The following EYA1 variants were observed in gnomAD, a reference collection of about 807,000 sequenced individuals.
The protein encoded by EYA1 is EYA transcriptional coactivator and phosphatase 1.
EYA1 carries 16 observed loss-of-function variants against 82.0 expected under a neutral mutation model. That is an observed-to-expected ratio of 0.20 (90% CI 0.13 to 0.30). The LOEUF (loss-of-function observed/expected upper bound fraction) is 0.30. EYA1 is among the 10% of genes least tolerant of loss of function. The probability of loss-of-function intolerance (pLI) is 1.00; values close to 1 mark genes in which losing one functional copy is unlikely to be tolerated. For missense variants in EYA1, 633 were observed against 730.7 expected (o/e 0.87, Z 1.54); for synonymous variants, 261 against 264.4 (o/e 0.99, Z 0.12).
chr8:71,528,897 C>G (rs955822487), intron 2 of EYA1, among the ~76,000 whole-genome samples: 2 of 152,198 alleles, frequency 1.3e-5, no homozygotes, highest in African/African-American at 4.8e-5. Context: ...AGCTAAGGCT[C>G]AAGCAGATGT....
intron 2 of EYA1, among the ~76,000 whole-genome samples, chr8:71,481,314 A>C (rs981863677): frequency 6.6e-6 from 1 of 152,232 alleles, no homozygotes; most frequent in African/African-American, 2.4e-5. Context: ...TATTTATAAA[A>C]ATAGCAAGCA....
At chr8:71,461,341 C>T (rs1667949338) in intron 2 of EYA1, among the ~76,000 whole-genome samples, 3 of 152,158 alleles carry the variant, frequency 2.0e-5, no homozygotes. Flanking sequence ...CACAGTCAAA[C>T]ATGCCAGCTG....
intron 2 of EYA1, among the ~76,000 whole-genome samples, chr8:71,375,596 G>T (rs950344023): frequency 6.6e-6 from 1 of 152,166 alleles, no homozygotes; most frequent in African/African-American, 2.4e-5. Context: ...GGGAAAGCAA[G>T]ATGAGAGGAA....
intron 2 of EYA1, among the ~76,000 whole-genome samples, chr8:71,502,681 T>C (rs1467713669): frequency 6.6e-6 from 1 of 152,222 alleles, no homozygotes; most frequent in Non-Finnish European, 1.5e-5. Context: ...TTTGAACTTA[T>C]CACGCTACAG....
At chr8:71,318,901 A>G (rs1013431575) in intron 6 of EYA1, among the ~76,000 whole-genome samples, 1 of 152,102 alleles carries the variant, frequency 6.6e-6, no homozygotes, top group African/African-American at 2.4e-5. Flanking sequence ...CAACCTTAAC[A>G]TTTTAAAAAT....
At chr8:71,210,450 TAA>T (rs1305762366) in intron 17 of EYA1, among the ~76,000 whole-genome samples, 1 of 152,126 alleles carries the variant, frequency 6.6e-6, no homozygotes, top group Non-Finnish European at 1.5e-5. Context: ...AGGCAGGCTG[TAA>T]CCAGACTGTG....
intron 2 of EYA1, among the ~76,000 whole-genome samples, chr8:71,394,849 G>A (rs928763520): frequency 2.0e-5 from 3 of 152,126 alleles, no homozygotes; most frequent in Admixed American, 1.3e-4. Flanking sequence ...GTAGCTTGAT[G>A]GGGATGGCAT....
At chr8:71,499,846 A>C (rs1214539373) in intron 2 of EYA1, among the ~76,000 whole-genome samples, 1 of 152,242 alleles carries the variant, frequency 6.6e-6, no homozygotes, top group Non-Finnish European at 1.5e-5. Context: ...TGGATGGATC[A>C]TTCTGGCTGC....
chr8:71,315,285 G>A (rs1821791879), intron 7 of EYA1, among the ~76,000 whole-genome samples: 1 of 152,208 alleles, frequency 6.6e-6, no homozygotes, highest in Non-Finnish European at 1.5e-5. Flanking sequence ...ATTATTGACT[G>A]ACTATGAAAG....
At chr8:71,319,287 C>T (rs543030548) in intron 6 of EYA1, among the ~76,000 whole-genome samples, 3 of 152,066 alleles carry the variant, frequency 2.0e-5, no homozygotes, top group African/African-American at 4.8e-5. Flanking sequence ...CCCGCCACCA[C>T]GCCTGGCTAA....
chr8:71,535,321 C>G (rs1814629746), intron 2 of EYA1, among the ~76,000 whole-genome samples: 1 of 152,096 alleles, frequency 6.6e-6, no homozygotes, highest in African/African-American at 2.4e-5. Flanking sequence ...AACTTCTTCA[C>G]TAAAAACCTA....
At chr8:71,486,344 C>G (rs1281549299) in intron 2 of EYA1, among the ~76,000 whole-genome samples, 1 of 152,178 alleles carries the variant, frequency 6.6e-6, no homozygotes, top group South Asian at 2.1e-4. Context: ...ATCGACTCTA[C>G]TGGAAAGAGA....
chr8:71,208,541 C>T (rs1420234328), intron 17 of EYA1, among the ~76,000 whole-genome samples: 2 of 152,038 alleles, frequency 1.3e-5, no homozygotes, highest in Admixed American at 6.6e-5. Context: ...TTTTCATGTC[C>T]GCTCTACCAA....
intron 12 of EYA1, among the ~76,000 whole-genome samples, chr8:71,223,432 ATAAAT>A (rs1424513226): frequency 6.6e-6 from 1 of 152,182 alleles, no homozygotes; most frequent in Non-Finnish European, 1.5e-5. Flanking sequence ...GAGGAGTAAA[ATAAAT>A]AAAGTTAGCT....
chr8:71,299,258 T>C (rs1448197805), intron 8 of EYA1, 25 bp from the exon 9 acceptor site: 5 of 1,610,780 alleles, frequency 3.1e-6, no homozygotes, highest in African/African-American at 2.7e-5. Flanking sequence ...CACACAAGAA[T>C]TGTCTGTCAA....
intron 2 of EYA1, chr8:71,470,995 C>T: frequency 2.4e-6 from 1 of 416,706 alleles, no homozygotes; most frequent in South Asian, 1.7e-5. Context: ...GTTTATTTTC[C>T]CACATCTTTA....
intron 2 of EYA1, among the ~76,000 whole-genome samples, chr8:71,452,615 A>C (rs765426423): frequency 1.5e-4 from 23 of 152,182 alleles, no homozygotes; most frequent in Admixed American, 5.2e-4. Context: ...GTTCAGCAAT[A>C]TTCGCTGTTC....
rs1031646155 is a variant in EYA1 at position 71,537,311 on chromosome 8, T to C, written c.-72-1463A>G. The stretch of plus-strand genomic sequence containing the variant: ...AATAAAAATCATATGAATGTATTCA[T>C]GCTATGTCACACCAAGAAAATATAA... On this transcript the variant is annotated intron_variant, in intron 1 of 18. Transcript: ENST00000643681. Among the ~76,000 whole-genome samples the C allele has an allele frequency of 3.3e-5, 5 of 152,228 alleles. No individual in the cohort carries two copies. In the East Asian group the frequency reaches 9.6e-4, roughly 29 times the overall value.
At chr8:71,366,905 T>C (rs1393910865), upstream of EYA1, among the ~76,000 whole-genome samples, 1 of 152,134 alleles carries the variant, frequency 6.6e-6, no homozygotes, top group Non-Finnish European at 1.5e-5. Flanking sequence ...GAAAAGTGTG[T>C]GATATTTGAA....
Sources: gnomAD v4.1 joint callset for allele counts (sites outside exome capture counted in the v4.1 genomes callset) on GRCh38, gnomAD v4.1.1 for gene constraint, MANE v1.5 for transcripts, NCBI Gene and HGNC (gene_info 2026-07-23, HGNC 2026-07-21) for gene names.